Variants in RFC5 observed in about 807,000 individuals in gnomAD.
The protein encoded by RFC5 is replication factor C subunit 5.
RFC5 carries 26 observed loss-of-function variants against 44.3 expected under a neutral mutation model. The ratio of observed to expected loss-of-function variants is 0.59; its 90% confidence interval spans 0.43 to 0.81. The LOEUF (loss-of-function observed/expected upper bound fraction) is 0.81, where lower values mean the gene tolerates loss of function less well. Among genes scored for constraint, RFC5 ranks in the 40% least tolerant of loss-of-function variants. The pLI is 0.00. For synonymous variants in RFC5, 155 were observed against 155.2 expected (o/e 1.00, Z 0.01); for missense variants, 328 against 418.6 (o/e 0.78, Z 1.89).
Position 118,026,957 on chromosome 12 carries a change from G to A in RFC5, c.732G>A (p.Lys244=), listed in dbSNP as rs755075018. The part of the protein sequence containing the change: ...TVYTCTGHPL[K]SDIANILDWM... ...ACACCTGCACCGGGCACCCGCTCAA[G>A]TCAGACATTGCCAACATCCTGGACT... Residue 244 remains lysine (K), a synonymous_variant, in exon 8 of 11, where the codon AAG becomes AAA. Coordinates refer to ENST00000454402, the MANE Select transcript of RFC5 (RefSeq NM_007370.7). 3.1e-6 allele frequency: 5 copies of A among 1,614,080 alleles called. No individual in the cohort carries two copies. The highest frequency in any genetic ancestry group is 1.1e-5 in the South Asian group (1 of 91,088).
At position 118,019,889 on chromosome 12, in the gene RFC5, A is replaced by G. The variant is rs5745814; in HGVS notation, c.267+121A>G. The G allele has an allele frequency of 5.7e-3, 4,422 of 780,718 alleles. 153 individuals are homozygous for G. In the African/African-American group the frequency reaches 0.07, roughly 12 times the overall value. The allele number at this position is 780,718 out of a possible 1,614,324, so 48.4% of individuals were successfully genotyped here. A position where few individuals can be genotyped will look rare whatever the true frequency, so the allele number is the denominator to read the frequency against. On this transcript the variant is annotated intron_variant, in intron 3 of 10. Coordinates refer to ENST00000454402, the MANE Select transcript of RFC5 (RefSeq NM_007370.7). The surrounding 1 kb of genome is among the most constrained non-coding windows in gnomAD (Gnocchi z 4.2). The stretch of plus-strand genomic sequence containing the variant: ...CCCCACGGACAGTTAGGAAAGAAGT[A>G]AATTTGAATATTTTAATTCCCTTTT...
downstream of RFC5, chr12:118,033,260 A>G (rs941115636): frequency 4.6e-5 from 7 of 152,684 alleles, no homozygotes; most frequent in East Asian, 1.3e-3. Context: ...GTTAAACAGC[A>G]GAGACAGATC....
chr12:118,038,736 A>G, the RFC5 span, among the ~76,000 whole-genome samples: 1 of 152,140 alleles, frequency 6.6e-6, no homozygotes, highest in African/African-American at 2.4e-5. Context: ...ACTAGAATAC[A>G]GTGGCGCGAT....
chr12:118,032,917 G>C (rs16948110), downstream of RFC5: 2 of 151,772 alleles, frequency 1.3e-5, no homozygotes, highest in African/African-American at 4.8e-5. Context: ...GCTTTTAACT[G>C]TTGTTTTTTT....
intron 7 of RFC5, among the ~76,000 whole-genome samples, 174 bp downstream of exon 7, chr12:118,026,002 C>T (rs1460738792): frequency 6.6e-6 from 1 of 151,848 alleles, no homozygotes; most frequent in Non-Finnish European, 1.5e-5. Context: ...GCCACCACGC[C>T]CTACTAATTT....
At chr12:118,029,070 T>A (rs1283128681) in intron 9 of RFC5, among the ~76,000 whole-genome samples, 1 of 152,232 alleles carries the variant, frequency 6.6e-6, no homozygotes, top group Non-Finnish European at 1.5e-5. Context: ...TGCACCTTGA[T>A]TGTGGAAGCT....
intron 9 of RFC5, 92 bp from the exon 10 acceptor site, chr12:118,029,679 G>A (rs1196885662): frequency 3.5e-6 from 3 of 864,994 alleles, no homozygotes; most frequent in Non-Finnish European, 6.0e-6. Context: ...CTAGTTCAGT[G>A]TTAAGGATTT....
chr12:118,021,266 C>A (rs931662233), intron 4 of RFC5, among the ~76,000 whole-genome samples: 5 of 151,090 alleles, frequency 3.3e-5, no homozygotes, highest in Non-Finnish European at 5.9e-5. Flanking sequence ...GGCTGGAGTG[C>A]AGTAGCATGA....
At chr12:118,029,642 T>G (rs1333614045) in intron 9 of RFC5, 129 bp from the exon 10 acceptor site, 4 of 764,470 alleles carry the variant, frequency 5.2e-6, no homozygotes, top group Non-Finnish European at 9.7e-6. Flanking sequence ...AGGTCTGGTA[T>G]CTAGTGAGCA....
At chr12:118,020,278 C>A (rs2030395775) in intron 3 of RFC5, among the ~76,000 whole-genome samples, 1 of 152,198 alleles carries the variant, frequency 6.6e-6, no homozygotes, top group Non-Finnish European at 1.5e-5. Context: ...CAGGTGGTAC[C>A]TTTCCTGCAG....
intron 1 of RFC5, among the ~76,000 whole-genome samples, chr12:118,018,314 G>C (rs1297743896): frequency 6.6e-6 from 1 of 152,210 alleles, no homozygotes; most frequent in East Asian, 1.9e-4. Flanking sequence ...CAGCTGGAAA[G>C]ATGAAGTTAG....
intron 5 of RFC5, 169 bp from the exon 6 acceptor site, chr12:118,024,682 A>T: frequency 1.7e-6 from 1 of 582,384 alleles, no homozygotes; most frequent in Non-Finnish European, 3.0e-6. Context: ...AAGTGCTGGG[A>T]TTACAGACGT....
intron 7 of RFC5, among the ~76,000 whole-genome samples, chr12:118,026,103 A>G (rs575265376): frequency 2.6e-5 from 4 of 152,098 alleles, no homozygotes; most frequent in South Asian, 4.2e-4. Flanking sequence ...TCAGCTTCCT[A>G]AAGTGCTGGG....
Position 118,019,888 on chromosome 12 carries a change from T to A in RFC5, c.267+120T>A. The stretch of plus-strand genomic sequence containing the variant: ...GCCCCACGGACAGTTAGGAAAGAAG[T>A]AAATTTGAATATTTTAATTCCCTTT... On this transcript the variant is annotated intron_variant, in intron 3 of 10. Transcript: ENST00000454402. This position sits in a 1 kb window ranked among gnomAD's most constrained non-coding sequence, Gnocchi z 4.2. 2 of 778,828 alleles carry A rather than the reference T, an allele frequency of 2.6e-6. No homozygotes were observed. The highest frequency in any genetic ancestry group is 4.0e-6 in the Non-Finnish European group (2 of 495,108). The allele number at this position is 778,828 out of a possible 1,614,324, so 48.2% of individuals were successfully genotyped here. A position where few individuals can be genotyped will look rare whatever the true frequency, so the allele number is the denominator to read the frequency against.
Position 118,030,334 on chromosome 12 carries a change from G to A in RFC5, c.926+509G>A, listed in dbSNP as rs531122629. Among the ~76,000 whole-genome samples the A allele has an allele frequency of 6.6e-5, 10 of 152,272 alleles. No individual in the cohort carries two copies. The East Asian group carries it at 1.9e-3, about 29-fold the overall frequency. On this transcript the variant is annotated intron_variant, in intron 10 of 10. Coordinates refer to ENST00000454402, the MANE Select transcript of RFC5 (RefSeq NM_007370.7). ...AGGCCAACTCTAATTTGTGGCATTG[G>A]CTTTCACAGGCACAAATTAGGTCAC... is the stretch of plus-strand genomic sequence containing the variant.
intron 6 of RFC5, chr12:118,025,246 G>A (rs750060347): frequency 4.4e-5 from 20 of 449,884 alleles, no homozygotes; most frequent in Non-Finnish European, 7.1e-5. Context: ...TCCCCTGGAA[G>A]CTGTCCCAAT....
chr12:118,018,695 C>T (rs5745808), intron 1 of RFC5, among the ~76,000 whole-genome samples: 23,244 of 151,990 alleles, frequency 0.15, 1,820 homozygotes, highest in Middle Eastern at 0.18. Flanking sequence ...CTGCAACCTC[C>T]GCCTCCCGGG....
intron 7 of RFC5, 76 bp downstream of exon 7, chr12:118,025,904 A>G (rs1469744436): frequency 3.4e-6 from 3 of 878,144 alleles, no homozygotes; most frequent in East Asian, 2.5e-5. Context: ...GCTGGAGTGC[A>G]GCAACACAAT....
In RFC5 at chr12:118,020,999, G is replaced by C; in HGVS notation, c.347+14G>C. The C allele has an allele frequency of 6.5e-7, 1 of 1,535,288 alleles. No homozygotes were observed. The highest frequency in any genetic ancestry group is 1.4e-5 in the African/African-American group (1 of 73,356). ...GACAATATTTAAGTAAGAATTATTT[G>C]TGTAATTTCGCTCCCTTGATTTTGA... On this transcript the variant is annotated intron_variant, in intron 4 of 10. Coordinates refer to ENST00000454402, the MANE Select transcript of RFC5 (RefSeq NM_007370.7).
Sources: allele counts gnomAD v4.1 joint callset (sites outside exome capture counted in the v4.1 genomes callset), GRCh38; gene constraint gnomAD v4.1.1; non-coding constraint Gnocchi (gnomAD v3.1); transcripts MANE v1.5; gene names NCBI Gene and HGNC (gene_info 2026-07-23, HGNC 2026-07-21).